FARSB: variants seen among roughly 807,000 people sequenced by gnomAD.
FARSB encodes phenylalanyl-tRNA synthetase subunit beta.
A neutral mutation model predicts 69.6 loss-of-function variants in FARSB; 40 were observed. That is an observed-to-expected ratio of 0.57 (90% CI 0.45 to 0.75). The LOEUF is 0.75. FARSB is among the 30% of genes least tolerant of loss of function. FARSB has a pLI of 0.00. For missense variants in FARSB, 632 were observed against 722.9 expected, an observed-to-expected ratio of 0.87 and a Z score of 1.44; for synonymous variants, 235 against 247.2, an observed-to-expected ratio of 0.95 and a Z score of 0.46.
chr2:222,639,430 T>TA, intron 5 of FARSB, 150 bp downstream of exon 5: 1 of 458,626 alleles, frequency 2.2e-6, no homozygotes, highest in Non-Finnish European at 3.9e-6. Flanking sequence ...AAATGATTTG[T>TA]AAAAAATCTG....
chr2:222,594,319 T>A (rs1321749576), intron 16 of FARSB, among the ~76,000 whole-genome samples: 1 of 152,122 alleles, frequency 6.6e-6, no homozygotes, highest in Non-Finnish European at 1.5e-5. Context: ...TATTACTATA[T>A]GTATACATTG....
chr2:222,617,908 G>GT (rs546975090), intron 14 of FARSB, among the ~76,000 whole-genome samples: 149 of 152,100 alleles, frequency 9.8e-4, no homozygotes, highest in Admixed American at 2.7e-3. Flanking sequence ...ATAAAATAAA[G>GT]TTTTTTAAAA....
chr2:222,573,189 T>C (rs1689756607), intron 16 of FARSB, among the ~76,000 whole-genome samples: 1 of 152,206 alleles, frequency 6.6e-6, no homozygotes, highest in African/African-American at 2.4e-5. Flanking sequence ...CATATATTTC[T>C]TGACCAGCAG....
rs1689684560 is a variant in FARSB at position 222,569,824 on chromosome 2, T to C, written c.*2047A>G. 1 of 152,204 alleles carries C rather than the reference T, an allele frequency of 6.6e-6. No homozygotes were observed. Among genetic ancestry groups the C allele is most frequent in the South Asian group, 2.1e-4 (1 of 4,832 alleles). The allele number at this position is 152,204 out of a possible 1,614,324, so 9.4% of individuals were successfully genotyped here. ...ATTCCTTCTTATTGCTGAGAAGTAT[T>C]TCATAGTATGGATATACTGCAATTT... is the stretch of plus-strand genomic sequence containing the variant. On this transcript the variant is annotated 3_prime_UTR_variant, in exon 17 of 17. Coordinates refer to ENST00000281828, the MANE Select transcript of FARSB (RefSeq NM_005687.5).
At chr2:222,607,278 G>A (rs974582718) in intron 15 of FARSB, among the ~76,000 whole-genome samples, 2 of 152,134 alleles carry the variant, frequency 1.3e-5, no homozygotes, top group Non-Finnish European at 2.9e-5. Context: ...TACACCTATG[G>A]AATGATCAAT....
chr2:222,584,492 T>C (rs1487967781), intron 16 of FARSB, among the ~76,000 whole-genome samples: 1 of 152,164 alleles, frequency 6.6e-6, no homozygotes, highest in Non-Finnish European at 1.5e-5. Context: ...CACTGGAACT[T>C]GCTGGAAACT....
At chr2:222,627,596 G>A (rs546322329) in intron 10 of FARSB, among the ~76,000 whole-genome samples, 112 of 152,272 alleles carry the variant, frequency 7.4e-4, no homozygotes, top group Non-Finnish European at 1.3e-3. Flanking sequence ...AGTCTTGGGG[G>A]TAGTTTGTTA....
At chr2:222,584,423 G>A (rs12614439) in intron 16 of FARSB, among the ~76,000 whole-genome samples, 22,270 of 152,126 alleles carry the variant, frequency 0.15, 2,562 homozygotes, top group East Asian at 0.56. Flanking sequence ...AGCTCCCAGC[G>A]TGAGCAATGC....
intron 16 of FARSB, among the ~76,000 whole-genome samples, chr2:222,590,804 G>A (rs1180276831): frequency 1.3e-5 from 2 of 152,114 alleles, no homozygotes; most frequent in African/African-American, 4.8e-5. Context: ...AATTGACTCT[G>A]TACTGATCAT....
chr2:222,601,224 A>T (rs575035502), intron 15 of FARSB, among the ~76,000 whole-genome samples: 1 of 152,298 alleles, frequency 6.6e-6, no homozygotes, highest in African/African-American at 2.4e-5. Flanking sequence ...CACTACTGTA[A>T]CTGTGCACCT....
intron 15 of FARSB, among the ~76,000 whole-genome samples, chr2:222,604,722 A>ATTTTTTTTTTTTTTTTT (rs56201038): frequency 4.5e-5 from 5 of 110,716 alleles, no homozygotes; most frequent in Non-Finnish European, 7.0e-5. Context: ...TGCCCACTGA[A>ATTTTTTTTTTTTTTTTT]TTTTTTTTTT....
At chr2:222,640,624 C>A (rs761493453) in intron 4 of FARSB, among the ~76,000 whole-genome samples, 2 of 152,158 alleles carry the variant, frequency 1.3e-5, no homozygotes, top group African/African-American at 4.8e-5. Flanking sequence ...GGTGTGGTGG[C>A]GTGTGCCTGT....
chr2:222,619,429 C>A (rs1258444061), intron 14 of FARSB, among the ~76,000 whole-genome samples: 1 of 151,404 alleles, frequency 6.6e-6, no homozygotes, highest in East Asian at 1.9e-4. Context: ...AAGTAAGAAC[C>A]CAGTATGAAG....
intron 16 of FARSB, among the ~76,000 whole-genome samples, chr2:222,597,583 CTT>C (rs939738275): frequency 4.6e-5 from 7 of 152,164 alleles, no homozygotes; most frequent in African/African-American, 1.7e-4. Context: ...AAAAACCTGA[CTT>C]TTAAGCAGAA....
intron 16 of FARSB, among the ~76,000 whole-genome samples, chr2:222,584,523 G>A (rs889955755): frequency 6.6e-6 from 1 of 152,190 alleles, no homozygotes. Context: ...CATGGAGTGT[G>A]AGCCAAAGCA....
In FARSB at chr2:222,571,873, A is replaced by C; in HGVS notation, c.1768T>G (p.Ter590GlyextTer7). Residue 590 changes from the stop codon to glycine, a stop_lost, in exon 17 of 17, where the codon TGA (stop) becomes GGA (glycine). Coordinates refer to ENST00000281828, the MANE Select transcript of FARSB (RefSeq NM_005687.5). ...SLEINVGPFL[*>G] ...AATCACACCACAGAGACCAATCTTC[A>C]CAAAAAGGGTCCAACATTGATTTCT... 2 of 1,612,328 alleles carry C rather than the reference A, an allele frequency of 1.2e-6. No individual in the cohort carries two copies. Among genetic ancestry groups the C allele is most frequent in the Non-Finnish European group, 1.7e-6 (2 of 1,179,172 alleles).
intron 7 of FARSB, 135 bp from the exon 8 acceptor site, chr2:222,631,809 G>A: frequency 1.6e-6 from 1 of 630,170 alleles, no homozygotes; most frequent in South Asian, 1.9e-5. Context: ...CAGGGATGGT[G>A]GCTCACACCC....
chr2:222,624,767 A>G lies in FARSB; in HGVS notation c.909T>C (p.Ala303=), dbSNP rs36025173. 1.1e-3 allele frequency: 1,709 copies of G among 1,595,186 alleles called. 22 individuals carry two copies. The African/African-American group carries it at 0.02, about 19-fold the overall frequency. ...CAGCTCTCACCATCTCCTTTCGGTA[A>G]GCTAATTCCTTAAATAGAAAGAGTT... ...NGKSHTFPEL[A]YRKEMVRADL... The change falls in exon 11 of 17, where the codon GCT becomes GCC. Residue 303 remains alanine, a synonymous_variant. Coordinates refer to ENST00000281828, the MANE Select transcript of FARSB (RefSeq NM_005687.5).
At chr2:222,598,797 A>T (rs1690489120) in intron 16 of FARSB, among the ~76,000 whole-genome samples, 1 of 152,136 alleles carries the variant, frequency 6.6e-6, no homozygotes, top group African/African-American at 2.4e-5. Flanking sequence ...CCTCACTCAT[A>T]AAACCGGGCT....
Sources: allele counts gnomAD v4.1 joint callset (sites outside exome capture counted in the v4.1 genomes callset), GRCh38; gene constraint gnomAD v4.1.1; transcripts MANE v1.5; gene names NCBI Gene and HGNC (gene_info 2026-07-23, HGNC 2026-07-21).